Variants in TAFA1 observed in about 807,000 individuals in gnomAD.
TAFA1 encodes chemokine-like protein TAFA-1.
Under a neutral mutation model 18.5 loss-of-function variants are expected in TAFA1, and 4 were observed. The observed-to-expected ratio is 0.22, with a 90% confidence interval of 0.11 to 0.49. The LOEUF (loss-of-function observed/expected upper bound fraction) is 0.49, where lower values mean the gene tolerates loss of function less well. TAFA1 is among the 20% of genes least tolerant of loss of function. TAFA1 has a pLI of 0.98. For missense variants in TAFA1, 147 were observed against 169.0 expected, an observed-to-expected ratio of 0.87 and a Z score of 0.72; for synonymous variants, 56 against 55.2, an observed-to-expected ratio of 1.01 and a Z score of -0.06.
intron 2 of TAFA1, among the ~76,000 whole-genome samples, chr3:68,408,283 T>C (rs2070650444): frequency 6.6e-6 from 1 of 152,218 alleles, no homozygotes; most frequent in Admixed American, 6.5e-5. Flanking sequence ...TCCTGGCCTA[T>C]TAATGAGAAC....
intron 2 of TAFA1, among the ~76,000 whole-genome samples, chr3:68,209,270 AAC>A (rs1212787902): frequency 1.4e-4 from 21 of 151,990 alleles, no homozygotes; most frequent in Non-Finnish European, 3.1e-4. Context: ...GATACACAGA[AAC>A]AGTGCAGTGA....
intron 2 of TAFA1, among the ~76,000 whole-genome samples, chr3:68,333,123 A>G (rs535087764): frequency 6.6e-6 from 1 of 152,228 alleles, no homozygotes; most frequent in Non-Finnish European, 1.5e-5. Flanking sequence ...AAACAGAATT[A>G]TCGTTAGACT....
intron 2 of TAFA1, among the ~76,000 whole-genome samples, chr3:68,354,230 G>C (rs2069323028): frequency 1.3e-5 from 2 of 151,588 alleles, no homozygotes. Flanking sequence ...TCTTTTAATG[G>C]AATTGTCAAC....
chr3:68,117,606 T>G (rs1238400939), intron 2 of TAFA1, among the ~76,000 whole-genome samples: 2 of 152,216 alleles, frequency 1.3e-5, no homozygotes, highest in Non-Finnish European at 1.5e-5. Context: ...AATGAGAGTT[T>G]CACAGTCTCT....
chr3:68,457,050 A>C (rs564025015), intron 3 of TAFA1, among the ~76,000 whole-genome samples: 1 of 152,310 alleles, frequency 6.6e-6, no homozygotes, highest in South Asian at 2.1e-4. Context: ...TATGCAATTT[A>C]CTGGAGAGAT....
At chr3:68,462,892 T>A (rs892527244) in intron 3 of TAFA1, among the ~76,000 whole-genome samples, 2 of 152,190 alleles carry the variant, frequency 1.3e-5, no homozygotes, top group Non-Finnish European at 2.9e-5. Context: ...AAGCTTCCTT[T>A]TTGTTGTGAG....
chr3:68,069,228 G>T (rs886709783), intron 2 of TAFA1, among the ~76,000 whole-genome samples: 1 of 152,208 alleles, frequency 6.6e-6, no homozygotes, highest in African/African-American at 2.4e-5. Flanking sequence ...AGCAGAAAGG[G>T]TTTAAGGAAC....
chr3:68,079,003 T>G (rs550906967), intron 2 of TAFA1, among the ~76,000 whole-genome samples: 20 of 152,368 alleles, frequency 1.3e-4, no homozygotes, highest in African/African-American at 4.8e-4. Context: ...GTTATTGGTC[T>G]ATTCAGAGAT....
At chr3:68,321,483 G>GTACATATT (rs1301845713) in intron 2 of TAFA1, among the ~76,000 whole-genome samples, 4 of 152,166 alleles carry the variant, frequency 2.6e-5, no homozygotes, top group Non-Finnish European at 5.9e-5. Flanking sequence ...AAATATGTAA[G>GTACATATT]AACCAAGTAC....
chr3:68,006,589 C>CGGAG, intron 1 of TAFA1, 35 bp from the exon 2 acceptor site: 1 of 1,471,752 alleles, frequency 6.8e-7, no homozygotes, highest in Non-Finnish European at 9.5e-7. Context: ...GGCTTGAAGC[C>CGGAG]GGAGGTAACC....
chr3:68,306,378 A>C (rs1301355630), intron 2 of TAFA1, among the ~76,000 whole-genome samples: 1 of 152,180 alleles, frequency 6.6e-6, no homozygotes, highest in Non-Finnish European at 1.5e-5. Flanking sequence ...ATTAAGTGAC[A>C]GTAATTATCA....
chr3:68,359,541 G>A lies in TAFA1; in HGVS notation c.119-57739G>A, dbSNP rs535120910. On this transcript the variant is annotated intron_variant, in intron 2 of 4. Transcript: ENST00000478136. The stretch of plus-strand genomic sequence containing the variant: ...TACTGGATTTGAAGATCAAGGAAGG[G>A]AGGCCATTCACCATGGAATGTGGGC... 3.9e-5 allele frequency among the ~76,000 whole-genome samples: 6 copies of A among 152,074 alleles called. No individual in the cohort carries two copies. The East Asian group carries it at 1.2e-3, about 29-fold the overall frequency.
intron 2 of TAFA1, among the ~76,000 whole-genome samples, chr3:68,296,849 C>A (rs201343498): frequency 6.6e-6 from 1 of 152,096 alleles, no homozygotes; most frequent in Non-Finnish European, 1.5e-5. Context: ...ATCAAATAAC[C>A]TAATGGAAAA....
chr3:68,135,676 T>C (rs1411040524), intron 2 of TAFA1, among the ~76,000 whole-genome samples: 1 of 152,252 alleles, frequency 6.6e-6, no homozygotes, highest in Non-Finnish European at 1.5e-5. Context: ...ATTTTTTGTA[T>C]GCTCAAAGTT....
At chr3:68,299,024 A>G (rs1215983442) in intron 2 of TAFA1, among the ~76,000 whole-genome samples, 5 of 152,170 alleles carry the variant, frequency 3.3e-5, no homozygotes, top group Non-Finnish European at 7.3e-5. Flanking sequence ...AAAGTTTGGA[A>G]CTTCCTAGAG....
At chr3:68,026,630 T>A (rs1485078995) in intron 2 of TAFA1, among the ~76,000 whole-genome samples, 1 of 152,152 alleles carries the variant, frequency 6.6e-6, no homozygotes, top group East Asian at 1.9e-4. Flanking sequence ...GTTTTTCAGA[T>A]GAGGAGATAG....
intron 2 of TAFA1, among the ~76,000 whole-genome samples, chr3:68,012,317 A>T (rs1704488380): frequency 6.6e-6 from 1 of 152,222 alleles, no homozygotes; most frequent in Admixed American, 6.5e-5. Flanking sequence ...AATGGTTTTA[A>T]TGGCAAAAAA....
intron 2 of TAFA1, among the ~76,000 whole-genome samples, chr3:68,136,594 C>T (rs1350126302): frequency 6.6e-6 from 1 of 152,200 alleles, no homozygotes; most frequent in Non-Finnish European, 1.5e-5. Flanking sequence ...TCACAGGGCG[C>T]ATTCGTTGCT....
chr3:68,213,559 C>A (rs533898631), intron 2 of TAFA1, among the ~76,000 whole-genome samples: 1 of 152,054 alleles, frequency 6.6e-6, no homozygotes, highest in African/African-American at 2.4e-5. Context: ...CCTGTGGAGT[C>A]AGGGGGTAGG....
Sources: allele counts gnomAD v4.1 joint callset (sites outside exome capture counted in the v4.1 genomes callset), GRCh38; gene constraint gnomAD v4.1.1; transcripts MANE v1.5; gene names NCBI Gene and HGNC (gene_info 2026-07-23, HGNC 2026-07-21).